The following PTPRG variants were observed in gnomAD, a reference collection of about 807,000 sequenced individuals.
PTPRG encodes the protein protein tyrosine phosphatase receptor type G.
In PTPRG, 102 loss-of-function variants were observed where a neutral mutation model predicts 165.3. The ratio of observed to expected loss-of-function variants is 0.62; its 90% CI spans 0.53 to 0.73. PTPRG has a LOEUF of 0.73. Among genes scored for constraint, PTPRG ranks in the 30% least tolerant of loss-of-function variants. PTPRG has a pLI of 0.00. For synonymous variants in PTPRG, 675 were observed against 669.5 expected (o/e 1.01, Z -0.13); for missense variants, 1,866 against 1,861.4 (o/e 1.00, Z -0.05).
At chr3:61,930,282 T>A (rs981856028) in intron 2 of PTPRG, among the ~76,000 whole-genome samples, 1 of 152,318 alleles carries the variant, frequency 6.6e-6, no homozygotes, top group South Asian at 2.1e-4. Context: ...TTATTTTTTG[T>A]ATTTTGTGTG....
rs142866578 is a variant in PTPRG, at chr3:61,844,126, G to A, written c.190+95144G>A. On this transcript the variant is annotated intron_variant, in intron 2 of 29. Transcript: ENST00000474889. ...TTACAGGCATGTGCCCCCAGGCCCG[G>A]CTATATTTGTATTTTTTAGTAGAGA... Among the ~76,000 whole-genome samples the A allele has an allele frequency of 6.0e-3, 907 of 152,134 alleles. 14 individuals carry two copies. The highest frequency in any genetic ancestry group is 0.021 in the African/African-American group (869 of 41,510).
intron 3 of PTPRG, among the ~76,000 whole-genome samples, chr3:61,995,262 T>C (rs2041002077): frequency 6.6e-6 from 1 of 151,902 alleles, no homozygotes; most frequent in Non-Finnish European, 1.5e-5. Flanking sequence ...TTCATTTTTG[T>C]ATTTTTAGTA....
intron 1 of PTPRG, among the ~76,000 whole-genome samples, chr3:61,646,593 C>T (rs1160712191): frequency 6.6e-6 from 1 of 152,188 alleles, no homozygotes; most frequent in Non-Finnish European, 1.5e-5. Context: ...AAGAAACTGA[C>T]ATTATCAATT....
chr3:62,282,525 A>T (rs1702489133), intron 27 of PTPRG, among the ~76,000 whole-genome samples: 1 of 150,934 alleles, frequency 6.6e-6, no homozygotes, highest in Non-Finnish European at 1.5e-5. Flanking sequence ...CACTATGCCT[A>T]GCCATGCTTT....
chr3:62,117,472 G>A (rs1702907704), intron 5 of PTPRG, among the ~76,000 whole-genome samples: 2 of 152,246 alleles, frequency 1.3e-5, no homozygotes, highest in South Asian at 4.2e-4. Flanking sequence ...GTAAAAAGCT[G>A]TTTCTAGATT....
At chr3:62,166,589 G>T (rs1471679288) in intron 7 of PTPRG, among the ~76,000 whole-genome samples, 2 of 151,936 alleles carry the variant, frequency 1.3e-5, no homozygotes, top group Non-Finnish European at 1.5e-5. Flanking sequence ...ACCCACCTTG[G>T]CCTCCCAAAG....
At chr3:61,775,125 C>CA (rs2034332236) in intron 2 of PTPRG, among the ~76,000 whole-genome samples, 1 of 152,138 alleles carries the variant, frequency 6.6e-6, no homozygotes, top group South Asian at 2.1e-4. Flanking sequence ...GACTGGAGTG[C>CA]AGCGGCACAA....
At chr3:61,590,104 G>T (rs9819499) in intron 1 of PTPRG, among the ~76,000 whole-genome samples, 16,479 of 151,832 alleles carry the variant, frequency 0.11, 1,004 homozygotes, top group African/African-American at 0.16. Context: ...GTACCATTGG[G>T]CACAATCCTT....
chr3:61,903,891 G>A (rs190154099), intron 2 of PTPRG, among the ~76,000 whole-genome samples: 98 of 152,216 alleles, frequency 6.4e-4, no homozygotes, highest in Non-Finnish European at 9.7e-4. Flanking sequence ...AATTAAGCAC[G>A]GATGGCTCTT....
At chr3:62,038,329 GTC>G (rs1700015672) in intron 4 of PTPRG, among the ~76,000 whole-genome samples, 1 of 152,178 alleles carries the variant, frequency 6.6e-6, no homozygotes, top group Non-Finnish European at 1.5e-5. Context: ...TCCTGGTGTG[GTC>G]TTTGCAGAGC....
At chr3:62,050,275 G>T (rs1700429572) in intron 4 of PTPRG, among the ~76,000 whole-genome samples, 1 of 152,132 alleles carries the variant, frequency 6.6e-6, no homozygotes, top group South Asian at 2.1e-4. Context: ...TACTGTACCT[G>T]TTCTGTCTAG....
At chr3:62,189,038 C>T (rs968987891) in intron 8 of PTPRG, among the ~76,000 whole-genome samples, 3 of 152,060 alleles carry the variant, frequency 2.0e-5, no homozygotes, top group African/African-American at 7.2e-5. Flanking sequence ...CTAGTGCCCA[C>T]GTTCTGTCAC....
chr3:62,275,727 A>G (rs766201467), intron 23 of PTPRG, 146 bp from the exon 24 acceptor site: 116 of 596,714 alleles, frequency 1.9e-4, no homozygotes, highest in Middle Eastern at 4.6e-4. Flanking sequence ...TGGGCAAGAG[A>G]GCAAGACCCT....
In PTPRG at chr3:61,735,545, T is replaced by C. The variant is rs569416231; in HGVS notation, c.86-13333T>C. Among the ~76,000 whole-genome samples the C allele has an allele frequency of 6.5e-3, 880 of 136,322 alleles. 2 individuals carry two copies. The highest frequency in any genetic ancestry group is 0.016 in the Middle Eastern group (4 of 254). 89.4% of individuals were successfully genotyped at this position (136,322 alleles called of 152,430 possible). On this transcript the variant is annotated intron_variant, in intron 1 of 29. Transcript: ENST00000474889. ...ATTCCTTGAGTTTTTTTTTTTTTTT[T>C]CTTTGAAATGCCGGGGACAGGCCTA...
chr3:61,825,156 A>G (rs889901404), intron 2 of PTPRG, among the ~76,000 whole-genome samples: 1 of 152,228 alleles, frequency 6.6e-6, no homozygotes, highest in Non-Finnish European at 1.5e-5. Flanking sequence ...TGAAGTCACA[A>G]AGCCTGAAGA....
intron 5 of PTPRG, among the ~76,000 whole-genome samples, chr3:62,092,432 T>C (rs55942511): frequency 0.17 from 16,525 of 96,340 alleles, 1,250 homozygotes; most frequent in Middle Eastern, 0.29. Context: ...AGAGCAAGAG[T>C]CCATCTGAAA....
intron 6 of PTPRG, 99 bp downstream of exon 6, chr3:62,132,767 C>A: frequency 9.3e-7 from 1 of 1,074,098 alleles, no homozygotes; most frequent in South Asian, 1.3e-5. Context: ...AGGGTGACAC[C>A]TATTCCTCAT....
At position 61,616,538 on chromosome 3, in the gene PTPRG, T is replaced by TC. The variant is rs1701301926; in HGVS notation, c.85+54168dup. On this transcript the variant is annotated intron_variant, in intron 1 of 29. Transcript: ENST00000474889. ...ATCCCACTGTGTGTTGGAATACTCTTCCGTGTAGACACTTCTCAACTCCCT... is the reference window on the plus strand; with the variant it reads ...ATCCCACTGTGTGTTGGAATACTCTTCCCGTGTAGACACTTCTCAACTCCCT... Among the ~76,000 whole-genome samples the TC allele has an allele frequency of 3.9e-5, 6 of 152,180 alleles. No homozygotes were observed. The South Asian group carries it at 1.2e-3, about 31-fold the overall frequency.
intron 2 of PTPRG, among the ~76,000 whole-genome samples, chr3:61,840,739 A>G (rs1325718422): frequency 6.6e-6 from 1 of 150,790 alleles, no homozygotes; most frequent in Non-Finnish European, 1.5e-5. Context: ...AAACAAATAT[A>G]TAGGATACAG....
Sources: allele counts gnomAD v4.1 joint callset (sites outside exome capture counted in the v4.1 genomes callset), GRCh38; gene constraint gnomAD v4.1.1; transcripts MANE v1.5; gene names NCBI Gene and HGNC (gene_info 2026-07-23, HGNC 2026-07-21).